Variants in ZFHX3 observed in about 807,000 individuals in gnomAD.
ZFHX3 encodes zinc finger homeobox 3, also known as zinc finger homeobox protein 3.
Under a neutral mutation model 279.1 loss-of-function variants are expected in ZFHX3, and 42 were observed. The ratio of observed to expected loss-of-function variants is 0.15; its 90% CI spans 0.12 to 0.19. ZFHX3 has a LOEUF of 0.19. Ranked by LOEUF, ZFHX3 falls within the 10% of genes least tolerant of loss-of-function variation. ZFHX3 has a pLI of 1.00. For missense variants in ZFHX3, 4,981 were observed against 4,754.0 expected (o/e 1.05, Z -1.40); for synonymous variants, 2,293 against 1,957.8 (o/e 1.17, Z -4.52).
chr16:73,888,689 G>A (rs753179079), intron 1 of ZFHX3, among the ~76,000 whole-genome samples: 3 of 152,156 alleles, frequency 2.0e-5, no homozygotes, highest in Non-Finnish European at 4.4e-5. Context: ...TTCTGAAAAC[G>A]ATAACAAAAG....
At chr16:73,714,354 T>C (rs1305119650) in intron 1 of ZFHX3, among the ~76,000 whole-genome samples, 2 of 152,146 alleles carry the variant, frequency 1.3e-5, no homozygotes, top group Non-Finnish European at 2.9e-5. Flanking sequence ...AACATTTCCC[T>C]TGGAAAGGAC....
At chr16:73,328,649 C>T (rs1396502292) in intron 3 of ZFHX3, among the ~76,000 whole-genome samples, 1 of 152,180 alleles carries the variant, frequency 6.6e-6, no homozygotes, top group Non-Finnish European at 1.5e-5. Context: ...TTCTATGATC[C>T]TGTCTCCTGA....
intron 6 of ZFHX3, among the ~76,000 whole-genome samples, chr16:73,139,069 C>A (rs560258840): frequency 3.5e-4 from 53 of 152,324 alleles, no homozygotes; most frequent in African/African-American, 1.3e-3. Flanking sequence ...GCATCTCCAG[C>A]AATTCCGCCT....
At chr16:72,847,116 C>T (rs1170063640) in intron 4 of ZFHX3, among the ~76,000 whole-genome samples, 1 of 152,178 alleles carries the variant, frequency 6.6e-6, no homozygotes, top group African/African-American at 2.4e-5. Flanking sequence ...AATGCATTGT[C>T]CCTGCACCTA....
At chr16:73,216,098 C>T (rs2012196275) in intron 5 of ZFHX3, among the ~76,000 whole-genome samples, 1 of 152,116 alleles carries the variant, frequency 6.6e-6, no homozygotes, top group African/African-American at 2.4e-5. Flanking sequence ...CACAGAAGAA[C>T]CAAAGCAGGC....
intron 5 of ZFHX3, among the ~76,000 whole-genome samples, chr16:73,230,779 T>A (rs1421320001): frequency 6.6e-6 from 1 of 152,214 alleles, no homozygotes; most frequent in Non-Finnish European, 1.5e-5. Context: ...TAAATTCCTC[T>A]GCTAATTGGA....
At chr16:73,341,716 CAA>C (rs2016037002) in intron 3 of ZFHX3, among the ~76,000 whole-genome samples, 1 of 151,954 alleles carries the variant, frequency 6.6e-6, no homozygotes, top group Non-Finnish European at 1.5e-5. Context: ...AATGGATAAA[CAA>C]GAGATGGTAT....
intron 2 of ZFHX3, among the ~76,000 whole-genome samples, chr16:73,490,501 C>T (rs1264489027): frequency 1.3e-5 from 2 of 152,190 alleles, no homozygotes; most frequent in East Asian, 3.8e-4. Context: ...CGTAACTCCA[C>T]CTTTCACTGA....
intron 6 of ZFHX3, among the ~76,000 whole-genome samples, chr16:73,139,377 C>T (rs917177489): frequency 3.9e-5 from 6 of 152,028 alleles, no homozygotes; most frequent in Non-Finnish European, 8.8e-5. Context: ...TCTGATAGGA[C>T]GAAGTCCAGG....
At chr16:73,219,598 C>T (rs1002238980) in intron 5 of ZFHX3, among the ~76,000 whole-genome samples, 7 of 152,202 alleles carry the variant, frequency 4.6e-5, no homozygotes, top group Admixed American at 2.6e-4. Flanking sequence ...ACTGCAATTT[C>T]CTATCAGTAT....
intron 1 of ZFHX3, among the ~76,000 whole-genome samples, chr16:73,886,301 A>G (rs962422229): frequency 6.6e-6 from 1 of 152,128 alleles, no homozygotes; most frequent in African/African-American, 2.4e-5. Flanking sequence ...AAATTTTAAG[A>G]GGGAAAAAAA....
chr16:73,598,016 C>T (rs1171405774), intron 2 of ZFHX3, among the ~76,000 whole-genome samples: 2 of 152,116 alleles, frequency 1.3e-5, no homozygotes, highest in South Asian at 2.1e-4. Context: ...TCAGTAATGG[C>T]TCCCAAATAT....
intron 1 of ZFHX3, among the ~76,000 whole-genome samples, chr16:73,761,522 C>T (rs929664958): frequency 8.5e-5 from 13 of 152,130 alleles, no homozygotes; most frequent in African/African-American, 3.1e-4. Context: ...GCCCATATAG[C>T]CAAGACAATC....
intron 7 of ZFHX3, among the ~76,000 whole-genome samples, chr16:73,130,200 G>A (rs1166788958): frequency 2.0e-5 from 3 of 152,096 alleles, no homozygotes; most frequent in Non-Finnish European, 2.9e-5. Context: ...AGTTCCGAAG[G>A]TGAGCTCCTC....
chr16:73,527,094 T>G (rs1282830633), intron 2 of ZFHX3, among the ~76,000 whole-genome samples: 2 of 152,102 alleles, frequency 1.3e-5, no homozygotes, highest in Admixed American at 6.6e-5. Context: ...TGATCACTGA[T>G]CCCATTGGAA....
chr16:73,879,849 C>T (rs1474050394), intron 1 of ZFHX3, among the ~76,000 whole-genome samples: 2 of 151,946 alleles, frequency 1.3e-5, no homozygotes, highest in African/African-American at 4.8e-5. Flanking sequence ...ACAGTTAAAG[C>T]AATCAACAAG....
At chr16:73,097,192 TAGAG>T (rs1482667125) in intron 7 of ZFHX3, among the ~76,000 whole-genome samples, 5 of 151,856 alleles carry the variant, frequency 3.3e-5, no homozygotes, top group Non-Finnish European at 1.5e-5. Context: ...TAGCTGGGAC[TAGAG>T]GTGCTTGCCT....
intron 1 of ZFHX3, among the ~76,000 whole-genome samples, chr16:73,725,532 TGTGA>T (rs10662418): frequency 1.8e-4 from 26 of 147,746 alleles, no homozygotes; most frequent in African/African-American, 5.8e-4. Context: ...AGAGTGTGAG[TGTGA>T]GTGAGTGTGT....
At chr16:73,668,173 T>C (rs1437462888) in intron 2 of ZFHX3, among the ~76,000 whole-genome samples, 1 of 152,148 alleles carries the variant, frequency 6.6e-6, no homozygotes. Context: ...GTGTCTATCA[T>C]GGTCAAGAGA....
Sources: allele counts gnomAD v4.1 joint callset (sites outside exome capture counted in the v4.1 genomes callset), GRCh38; gene constraint gnomAD v4.1.1; transcripts MANE v1.5; gene names NCBI Gene and HGNC (gene_info 2026-07-23, HGNC 2026-07-21).